RPS6KA5: variants seen among roughly 807,000 people sequenced by gnomAD.
The protein encoded by RPS6KA5 is ribosomal protein S6 kinase A5, also known as ribosomal protein S6 kinase alpha-5.
A neutral mutation model predicts 85.5 loss-of-function variants in RPS6KA5; 27 were observed. The ratio of observed to expected loss-of-function variants is 0.32; its 90% CI spans 0.23 to 0.44. The LOEUF is 0.44. RPS6KA5 is among the 20% of genes least tolerant of loss of function. The pLI, the probability that RPS6KA5 is intolerant of heterozygous loss-of-function variation, is 1.00. For missense variants in RPS6KA5, 811 were observed against 980.9 expected (o/e 0.83, Z 2.31); for synonymous variants, 334 against 348.2 (o/e 0.96, Z 0.46).
chr14:90,923,643 C>T (rs1373131307), intron 5 of RPS6KA5, among the ~76,000 whole-genome samples: 1 of 152,012 alleles, frequency 6.6e-6, no homozygotes, highest in Non-Finnish European at 1.5e-5. Flanking sequence ...CACTGGGTAA[C>T]TTGAAGGGGT....
At chr14:90,894,037 A>G (rs2034698788) in intron 13 of RPS6KA5, 18 of 925,200 alleles carry the variant, frequency 1.9e-5, no homozygotes, top group Admixed American at 1.2e-4. Context: ...AATGTAAAAA[A>G]TAAGTTTTCA....
intron 1 of RPS6KA5, among the ~76,000 whole-genome samples, chr14:91,040,145 G>A (rs956274318): frequency 1.3e-5 from 2 of 152,246 alleles, no homozygotes; most frequent in African/African-American, 4.8e-5. Flanking sequence ...GGTGGCTCAC[G>A]CCTGTAATCC....
At chr14:91,000,988 C>T (rs2040763182) in intron 2 of RPS6KA5, 100 bp downstream of exon 2, 2 of 653,684 alleles carry the variant, frequency 3.1e-6, no homozygotes, top group South Asian at 2.3e-5. Context: ...ATTCCTCATG[C>T]TTTTTAAATT....
intron 3 of RPS6KA5, among the ~76,000 whole-genome samples, chr14:90,968,545 T>C (rs945233797): frequency 1.3e-5 from 2 of 152,128 alleles, no homozygotes; most frequent in African/African-American, 4.8e-5. Context: ...CATACTACAG[T>C]ACAACTTCTA....
chr14:91,031,926 G>A (rs1026035164), intron 1 of RPS6KA5, among the ~76,000 whole-genome samples: 2 of 151,684 alleles, frequency 1.3e-5, no homozygotes, highest in African/African-American at 4.8e-5. Context: ...GTAGAAACTG[G>A]GAATAAAATC....
chr14:90,905,203 T>C (rs1271398713), intron 8 of RPS6KA5, among the ~76,000 whole-genome samples: 4 of 152,042 alleles, frequency 2.6e-5, no homozygotes, highest in African/African-American at 9.6e-5. Flanking sequence ...AACTCATTTC[T>C]AATCAATATT....
At chr14:90,934,107 C>T (rs1378063285) in intron 5 of RPS6KA5, among the ~76,000 whole-genome samples, 1 of 152,178 alleles carries the variant, frequency 6.6e-6, no homozygotes, top group Non-Finnish European at 1.5e-5. Context: ...TACAGAAATA[C>T]TTATTTCTTA....
intron 5 of RPS6KA5, among the ~76,000 whole-genome samples, chr14:90,937,361 A>T (rs1029738782): frequency 2.6e-5 from 4 of 152,204 alleles, no homozygotes; most frequent in Non-Finnish European, 5.9e-5. Context: ...ATACTGACAA[A>T]GGAGAACAAT....
At position 90,875,215 on chromosome 14, in the gene RPS6KA5, T is replaced by A. The variant is rs1236929974; in HGVS notation, c.1982A>T (p.Lys661Ile). The part of the protein sequence containing the change: ...EAWKNVSQEA[K>I]DLIQGLLTVD... ...TAGATTCTTACCTTGGATCAAATCT[T>A]TAGCCTCTTGGGATACATTCTTCCA... Residue 661 changes from lysine to isoleucine, a missense_variant, in exon 15 of 17, where the codon AAA becomes ATA. Lys to Ile is a moderately radical substitution (Grantham distance 102). This residue lies in a region of RPS6KA5 where 650 missense variants were observed against 793.4 expected (regional missense o/e 0.82). Transcript: ENST00000614987. 6.2e-7 allele frequency: 1 copy of A among 1,613,030 alleles called. No individual in the cohort carries two copies. Among genetic ancestry groups the A allele is most frequent in the Non-Finnish European group, 8.5e-7 (1 of 1,179,622 alleles).
chr14:90,896,090 A>G (rs901502552), intron 12 of RPS6KA5, among the ~76,000 whole-genome samples: 1 of 152,224 alleles, frequency 6.6e-6, no homozygotes, highest in East Asian at 1.9e-4. Flanking sequence ...ATTATCCTGA[A>G]AGCATTAGAC....
chr14:90,856,919 G>A lies in RPS6KA5; in HGVS notation c.*15155C>T, dbSNP rs1160422825. The A allele has an allele frequency of 1.9e-5, 3 of 157,394 alleles. No individual in the cohort carries two copies. The highest frequency in any genetic ancestry group is 6.4e-5 in the Admixed American group (1 of 15,720). 9.7% of individuals were successfully genotyped at this position (157,394 alleles called of 1,614,324 possible). Reference sequence around the variant, plus strand: ...TCATGTAAGTGGAATCATACAATACGTGGCCTTGTGTGTCTGGTTTCTTTA... The same window carrying A: ...TCATGTAAGTGGAATCATACAATACATGGCCTTGTGTGTCTGGTTTCTTTA... On this transcript the variant is annotated 3_prime_UTR_variant, in exon 17 of 17. Transcript: ENST00000614987.
intron 3 of RPS6KA5, among the ~76,000 whole-genome samples, chr14:90,953,719 T>C (rs1344293453): frequency 6.6e-6 from 1 of 152,198 alleles, no homozygotes; most frequent in Non-Finnish European, 1.5e-5. Flanking sequence ...GTCTGTCTTA[T>C]GCAGTTGAGA....
intron 2 of RPS6KA5, among the ~76,000 whole-genome samples, chr14:90,984,227 G>C (rs1595400458): frequency 1.3e-5 from 2 of 152,320 alleles, no homozygotes; most frequent in South Asian, 2.1e-4. Flanking sequence ...TCTACTTTTT[G>C]AGACTGAGGG....
At chr14:90,972,313 A>G (rs1022796071) in intron 3 of RPS6KA5, among the ~76,000 whole-genome samples, 3 of 152,238 alleles carry the variant, frequency 2.0e-5, no homozygotes, top group Admixed American at 1.3e-4. Flanking sequence ...AGCTCTGAAA[A>G]ATAAAGGCAA....
intron 5 of RPS6KA5, among the ~76,000 whole-genome samples, chr14:90,934,761 C>T (rs1249757236): frequency 6.6e-6 from 1 of 152,030 alleles, no homozygotes; most frequent in Non-Finnish European, 1.5e-5. Flanking sequence ...GCAGGCAATC[C>T]CTATTTACCC....
At chr14:90,892,203 T>C (rs1225709601) in intron 13 of RPS6KA5, among the ~76,000 whole-genome samples, 1 of 152,074 alleles carries the variant, frequency 6.6e-6, no homozygotes, top group African/African-American at 2.4e-5. Context: ...GGTTTTGCCA[T>C]GTTGGCCAGA....
intron 1 of RPS6KA5, among the ~76,000 whole-genome samples, chr14:91,042,487 G>C (rs1351108382): frequency 6.6e-6 from 1 of 151,980 alleles, no homozygotes; most frequent in Non-Finnish European, 1.5e-5. Context: ...CTCCAGCCTG[G>C]GCACAGAGTG....
chr14:90,930,016 A>C (rs2036887836), intron 5 of RPS6KA5, among the ~76,000 whole-genome samples: 1 of 152,152 alleles, frequency 6.6e-6, no homozygotes, highest in Admixed American at 6.5e-5. Context: ...GACTAAAGGC[A>C]TGCACCAACA....
Position 90,900,239 on chromosome 14 carries a change from G to A in RPS6KA5, c.1248C>T (p.Asp416=). 1 of 1,559,450 alleles carries A rather than the reference G, an allele frequency of 6.4e-7. No homozygotes were observed. Among genetic ancestry groups the A allele is most frequent in the Non-Finnish European group, 8.7e-7 (1 of 1,154,286 alleles). Residue 416 remains aspartate, a splice_region_variant and synonymous_variant, in exon 11 of 17, where the codon GAC becomes GAT. Transcript: ENST00000614987. ...GGTCATAGTGTTGATAGAATGGAGAGTCCTGTCAAGAAATCAACATCATTT... is the reference window on the plus strand; with the variant it reads ...GGTCATAGTGTTGATAGAATGGAGAATCCTGTCAAGAAATCAACATCATTT... ...TNVARSAMMK[D]SPFYQHYDLD... is the part of the protein sequence containing the mutation.
Sources: allele counts gnomAD v4.1 joint callset (sites outside exome capture counted in the v4.1 genomes callset), GRCh38; gene constraint gnomAD v4.1.1; regional missense constraint gnomAD v4.1.1; transcripts MANE v1.5; gene names NCBI Gene and HGNC (gene_info 2026-07-23, HGNC 2026-07-21).